Variants in ZC3H12C observed in about 807,000 individuals in gnomAD.
ZC3H12C encodes probable ribonuclease ZC3H12C.
Under a neutral mutation model 76.3 loss-of-function variants are expected in ZC3H12C, and 20 were observed. That is an observed-to-expected ratio of 0.26 (90% CI 0.18 to 0.38). The LOEUF (loss-of-function observed/expected upper bound fraction) is 0.38, where lower values mean the gene tolerates loss of function less well. ZC3H12C is among the 10% of genes least tolerant of loss of function. ZC3H12C has a pLI of 1.00. For synonymous variants in ZC3H12C, 352 were observed against 399.6 expected, an observed-to-expected ratio of 0.88 and a Z score of 1.42; for missense variants, 874 against 1,086.5, an observed-to-expected ratio of 0.80 and a Z score of 2.75.
Position 110,106,216 on chromosome 11 carries a change from C to A in ZC3H12C, c.21+12784C>A. Among the ~76,000 whole-genome samples, 2 of 18,354 alleles carry A rather than the reference C, an allele frequency of 1.1e-4. 1 individual carries two copies. Among genetic ancestry groups the A allele is most frequent in the East Asian group, 0.013 (2 of 150 alleles). 12.0% of individuals were successfully genotyped at this position (18,354 alleles called of 152,430 possible). A position where few individuals can be genotyped will look rare whatever the true frequency, so the allele number is the denominator to read the frequency against. ...CCGGGAGGCGGAGCTTGCAGTGAGC[C>A]GAGATCGCGCCACTGCACTCCAGCC... On this transcript the variant is annotated intron_variant, in intron 1 of 5. Coordinates refer to ENST00000278590, the MANE Select transcript of ZC3H12C (RefSeq NM_033390.2).
At chr11:110,125,585 TGG>T (rs1291869153) in intron 1 of ZC3H12C, among the ~76,000 whole-genome samples, 4 of 152,206 alleles carry the variant, frequency 2.6e-5, no homozygotes, top group Non-Finnish European at 5.9e-5. Flanking sequence ...CCCGAAGTGC[TGG>T]GATTACAGGC....
intron 1 of ZC3H12C, 53 bp from the exon 2 acceptor site, chr11:110,136,610 A>G: frequency 1.3e-6 from 2 of 1,551,190 alleles, no homozygotes; most frequent in Non-Finnish European, 1.7e-6. Flanking sequence ...CTCCATTGAG[A>G]CAGAAATCTA....
intron 1 of ZC3H12C, chr11:110,136,276 T>C: frequency 6.2e-6 from 1 of 162,008 alleles, no homozygotes; most frequent in Non-Finnish European, 1.3e-5. Context: ...ATTAAAAACA[T>C]ACTTTTTGAT....
chr11:110,163,218 A>G, intron 4 of ZC3H12C, 55 bp from the exon 5 acceptor site: 1 of 1,447,428 alleles, frequency 6.9e-7, no homozygotes, highest in Non-Finnish European at 9.4e-7. Flanking sequence ...CTCTTTTTAG[A>G]ATTAAATTAT....
At chr11:110,133,425 T>C (rs956288571) in intron 1 of ZC3H12C, among the ~76,000 whole-genome samples, 3 of 152,168 alleles carry the variant, frequency 2.0e-5, no homozygotes, top group Admixed American at 6.5e-5. Flanking sequence ...AGCTAACCAA[T>C]GAAATCTAGA....
At chr11:110,103,214 C>T (rs1861251486) in intron 1 of ZC3H12C, among the ~76,000 whole-genome samples, 2 of 152,146 alleles carry the variant, frequency 1.3e-5, no homozygotes, top group African/African-American at 4.8e-5. Flanking sequence ...TGTGTGATTT[C>T]TTGAGGGGCA....
intron 4 of ZC3H12C, among the ~76,000 whole-genome samples, chr11:110,162,932 G>A (rs1212044863): frequency 6.6e-6 from 1 of 152,098 alleles, no homozygotes; most frequent in African/African-American, 2.4e-5. Context: ...TTCATGAGGT[G>A]TATGTTGATA....
At chr11:110,099,604 T>A (rs1481182960) in intron 1 of ZC3H12C, among the ~76,000 whole-genome samples, 1 of 152,180 alleles carries the variant, frequency 6.6e-6, no homozygotes, top group African/African-American at 2.4e-5. Context: ...TTCCTGTAGT[T>A]ATACTTTACA....
chr11:110,111,437 CAGAATT>C (rs1861425773), intron 1 of ZC3H12C, among the ~76,000 whole-genome samples: 1 of 150,772 alleles, frequency 6.6e-6, no homozygotes, highest in African/African-American at 2.4e-5. Flanking sequence ...AAAAAAAAAT[CAGAATT>C]AGAAGGTAAA....
intron 1 of ZC3H12C, among the ~76,000 whole-genome samples, chr11:110,115,200 G>C (rs962543114): frequency 1.2e-4 from 18 of 151,552 alleles, no homozygotes; most frequent in Admixed American, 6.6e-4. Context: ...TCGCACTCCT[G>C]GGCTCAAGCG....
rs1028313467 is a variant in ZC3H12C, at chr11:110,165,254, C to T, written c.2169C>T (p.Gly723=). ...SAVGARSSCP[G]DYPSPPSSAH... is the part of the protein sequence containing the mutation. ...TGGGCGCCCGGTCCAGCTGTCCTGG[C>T]GACTACCCCTCTCCTCCAAGTTCAG... Residue 723 remains glycine, a synonymous_variant, in exon 6 of 6, where the codon GGC becomes GGT. Transcript: ENST00000278590. 1.2e-6 allele frequency: 2 copies of T among 1,614,014 alleles called. No homozygotes were observed. Among genetic ancestry groups the T allele is most frequent in the Non-Finnish European group, 1.7e-6 (2 of 1,179,892 alleles).
chr11:110,100,569 G>A (rs1174395784), intron 1 of ZC3H12C, among the ~76,000 whole-genome samples: 3 of 152,104 alleles, frequency 2.0e-5, no homozygotes, highest in Admixed American at 1.3e-4. Flanking sequence ...GCTGGGTCAC[G>A]TCGTGGTAGT....
In ZC3H12C at chr11:110,118,945, C is replaced by T. The variant is rs6650175; in HGVS notation, c.22-17718C>T. On this transcript the variant is annotated intron_variant, in intron 1 of 5. Coordinates refer to ENST00000278590, the MANE Select transcript of ZC3H12C (RefSeq NM_033390.2). ...TAATAAGTCAGCAATGCTTTTTAAGCACCTATTACTGTAGCACTATCTCCA... is the reference window on the plus strand; with the variant it reads ...TAATAAGTCAGCAATGCTTTTTAAGTACCTATTACTGTAGCACTATCTCCA... Among the ~76,000 whole-genome samples the T allele has an allele frequency of 3.5e-3, 531 of 152,280 alleles. 1 individual carries two copies. The highest frequency in any genetic ancestry group is 0.012 in the African/African-American group (486 of 41,560).
At chr11:110,125,523 G>A (rs10891059) in intron 1 of ZC3H12C, among the ~76,000 whole-genome samples, 106,184 of 149,472 alleles carry the variant, frequency 0.71, 38,207 homozygotes, top group East Asian at 0.89. Context: ...TCACCATGTT[G>A]GCCAGGCTGA....
intron 1 of ZC3H12C, among the ~76,000 whole-genome samples, chr11:110,119,541 C>G (rs1334948548): frequency 6.6e-6 from 1 of 152,222 alleles, no homozygotes; most frequent in Non-Finnish European, 1.5e-5. Context: ...AGGCTCCTGA[C>G]CACCTTGCTG....
At chr11:110,158,650 A>G (rs897298009) in intron 3 of ZC3H12C, among the ~76,000 whole-genome samples, 3 of 152,290 alleles carry the variant, frequency 2.0e-5, no homozygotes, top group Middle Eastern at 3.4e-3. Context: ...ATTTGTCACC[A>G]TGTCTCACAG....
intron 4 of ZC3H12C, 40 bp from the exon 5 acceptor site, chr11:110,163,233 C>T (rs374934664): frequency 3.0e-5 from 45 of 1,505,038 alleles, no homozygotes; most frequent in Non-Finnish European, 4.0e-5. Context: ...AATTATCAGC[C>T]TCCTACTTAG....
intron 1 of ZC3H12C, among the ~76,000 whole-genome samples, chr11:110,112,347 C>T (rs1861448046): frequency 6.6e-6 from 1 of 152,100 alleles, no homozygotes; most frequent in African/African-American, 2.4e-5. Context: ...TACAGATGTG[C>T]ACCATCACAC....
chr11:110,151,046 A>G (rs1335610635), intron 2 of ZC3H12C, among the ~76,000 whole-genome samples: 2 of 152,120 alleles, frequency 1.3e-5, no homozygotes, highest in Non-Finnish European at 2.9e-5. Flanking sequence ...ACCATTAACG[A>G]CATGCCGTTT....
Sources: allele counts gnomAD v4.1 joint callset (sites outside exome capture counted in the v4.1 genomes callset), GRCh38; gene constraint gnomAD v4.1.1; transcripts MANE v1.5; gene names NCBI Gene and HGNC (gene_info 2026-07-23, HGNC 2026-07-21).